The following SMARCA5 variants were observed in gnomAD, a reference collection of about 807,000 sequenced individuals.
SMARCA5 encodes the protein SWI/SNF-related matrix-associated actin-dependent regulator of chromatin subfamily A member 5.
A neutral mutation model predicts 140.4 loss-of-function variants in SMARCA5; 18 were observed. The observed-to-expected ratio is 0.13, with a 90% CI of 0.09 to 0.19. The LOEUF (loss-of-function observed/expected upper bound fraction) is 0.19, where lower values mean the gene tolerates loss of function less well. Among genes scored for constraint, SMARCA5 ranks in the 10% least tolerant of loss-of-function variants. The pLI is 1.00. For synonymous variants in SMARCA5, 449 were observed against 419.6 expected (o/e 1.07, Z -0.86); for missense variants, 606 against 1,276.8 (o/e 0.47, Z 8.01).
chr4:143,534,178 T>C (rs1383878338), intron 9 of SMARCA5, among the ~76,000 whole-genome samples: 1 of 152,192 alleles, frequency 6.6e-6, no homozygotes, highest in African/African-American at 2.4e-5. Flanking sequence ...GACATAATGC[T>C]ATTGCACACT....
chr4:143,517,339 T>C lies in SMARCA5; in HGVS notation c.178-16T>C. On this transcript the variant is annotated splice_polypyrimidine_tract_variant and intron_variant, in intron 1 of 23. Coordinates refer to ENST00000283131, the MANE Select transcript of SMARCA5 (RefSeq NM_003601.4). ...TTTTCGAAGACCAATTCTATTTAAT[T>C]ATTTCTTTCTACCAGGAAATATTTG... The C allele has an allele frequency of 1.3e-6, 2 of 1,588,112 alleles. No homozygotes were observed. Among genetic ancestry groups the C allele is most frequent in the South Asian group, 2.3e-5 (2 of 88,252 alleles).
At chr4:143,531,436 C>G (rs1737180302) in intron 9 of SMARCA5, among the ~76,000 whole-genome samples, 1 of 152,106 alleles carries the variant, frequency 6.6e-6, no homozygotes, top group South Asian at 2.1e-4. Context: ...TATATAAAGC[C>G]CTTAATGACC....
intron 2 of SMARCA5, among the ~76,000 whole-genome samples, chr4:143,518,298 ATAG>A (rs1340720093): frequency 6.6e-6 from 1 of 152,182 alleles, no homozygotes; most frequent in East Asian, 1.9e-4. Flanking sequence ...AGTTTTAGTA[ATAG>A]TAGTAGTGGC....
intron 8 of SMARCA5, 59 bp from the exon 9 acceptor site, chr4:143,530,399 T>C (rs1430488100): frequency 2.8e-6 from 3 of 1,073,928 alleles, no homozygotes; most frequent in Non-Finnish European, 4.2e-6. Flanking sequence ...TATCTGGTAT[T>C]ATAGGGTATT....
intron 23 of SMARCA5, among the ~76,000 whole-genome samples, chr4:143,550,703 C>T (rs1737625560): frequency 6.6e-6 from 1 of 152,034 alleles, no homozygotes; most frequent in Admixed American, 6.6e-5. Context: ...CTTTCTGTGT[C>T]TGGCTTATTT....
intron 11 of SMARCA5, 127 bp from the exon 12 acceptor site, chr4:143,538,463 T>C: frequency 4.2e-6 from 3 of 718,662 alleles, no homozygotes; most frequent in South Asian, 3.6e-5. Flanking sequence ...TGTGTAGATT[T>C]TTTTCCCCCT....
At position 143,513,703 on chromosome 4, in the gene SMARCA5, C is replaced by A. The variant is rs1736747198; in HGVS notation, c.-222C>A. On this transcript the variant is annotated 5_prime_UTR_variant, in exon 1 of 24. Coordinates refer to ENST00000283131, the MANE Select transcript of SMARCA5 (RefSeq NM_003601.4). The stretch of plus-strand genomic sequence containing the variant: ...CGTGATTCCCGCCGTGAGGTAAGCG[C>A]CGGTGGAACCTAGAGCCCCGCGGAA... The A allele has an allele frequency of 3.5e-6, 2 of 569,360 alleles. No homozygotes were observed. Among genetic ancestry groups the A allele is most frequent in the East Asian group, 6.5e-5 (2 of 30,700 alleles). The allele number at this position is 569,360 out of a possible 1,614,324, so 35.3% of individuals were successfully genotyped here. A position where few individuals can be genotyped will look rare whatever the true frequency, so the allele number is the denominator to read the frequency against.
At chr4:143,528,224 TGC>T (rs1737113814) in intron 7 of SMARCA5, among the ~76,000 whole-genome samples, 1 of 152,190 alleles carries the variant, frequency 6.6e-6, no homozygotes, top group Non-Finnish European at 1.5e-5. Context: ...TTTGTCCTAA[TGC>T]TCTCCCTCTG....
intron 3 of SMARCA5, among the ~76,000 whole-genome samples, chr4:143,522,179 GACTTACA>G (rs1736976598): frequency 6.6e-6 from 1 of 152,140 alleles, no homozygotes; most frequent in African/African-American, 2.4e-5. Flanking sequence ...ATATTGTGAT[GACTTACA>G]TCACGGCAGC....
At chr4:143,551,926 ATTT>A (rs201164810) in intron 23 of SMARCA5, among the ~76,000 whole-genome samples, 3 of 150,424 alleles carry the variant, frequency 2.0e-5, no homozygotes, top group Non-Finnish European at 4.4e-5. Flanking sequence ...AAATTTTAGT[ATTT>A]TTTTTTCTAT....
At chr4:143,543,431 A>G (rs1323533149) in intron 14 of SMARCA5, 78 bp from the exon 15 acceptor site, 4 of 1,139,244 alleles carry the variant, frequency 3.5e-6, no homozygotes, top group Non-Finnish European at 5.1e-6. Context: ...AAAGCATTAA[A>G]CCTTACATTT....
chr4:143,547,615 C>A (rs868104783), intron 21 of SMARCA5, 112 bp downstream of exon 21: 8 of 663,014 alleles, frequency 1.2e-5, no homozygotes, highest in Middle Eastern at 3.9e-4. Context: ...TTTAAAATTT[C>A]TTCAGAGTAG....
Position 143,533,307 on chromosome 4 carries a change from G to T in SMARCA5, c.1159-1548G>T, listed in dbSNP as rs553631526. Among the ~76,000 whole-genome samples, 249 of 152,088 alleles carry T rather than the reference G, an allele frequency of 1.6e-3. 1 individual carries two copies. Among genetic ancestry groups the T allele is most frequent in the African/African-American group, 5.6e-3 (234 of 41,494 alleles). ...GAAAAGAGGGGATAGTGATTGGAAG[G>T]GACACAAAAATGATTTCTAGAGTGT... is the stretch of plus-strand genomic sequence containing the variant. On this transcript the variant is annotated intron_variant, in intron 9 of 23. Transcript: ENST00000283131.
At chr4:143,537,442 G>A (rs998253597) in intron 11 of SMARCA5, among the ~76,000 whole-genome samples, 1 of 152,152 alleles carries the variant, frequency 6.6e-6, no homozygotes, top group African/African-American at 2.4e-5. Context: ...ACTATCAAAA[G>A]CATGTTGTAA....
Position 143,546,840 on chromosome 4 carries a change from G to A in SMARCA5, c.2585G>A (p.Arg862His), listed in dbSNP as rs371185183. ...QFIKANEKWG[R>H]DDIENIAREV... Reference sequence around the variant, plus strand: ...ATCAAAGCTAATGAGAAGTGGGGTCGTGATGATATTGAAAATATAGCAAGA... The same window carrying A: ...ATCAAAGCTAATGAGAAGTGGGGTCATGATGATATTGAAAATATAGCAAGA... Residue 862 changes from arginine to histidine, a missense_variant, in exon 20 of 24, where the codon CGT becomes CAT. Physicochemically the swap from Arg to His is conservative, Grantham distance 29 (BLOSUM62 0). Transcript: ENST00000283131. 1 of 1,611,708 alleles carries A rather than the reference G, an allele frequency of 6.2e-7. No individual in the cohort carries two copies. Among genetic ancestry groups the A allele is most frequent in the Non-Finnish European group, 8.5e-7 (1 of 1,178,266 alleles).
chr4:143,548,182 GAGTA>G (rs1737569163), intron 22 of SMARCA5, 42 bp downstream of exon 22: 1 of 1,159,378 alleles, frequency 8.6e-7, no homozygotes, highest in Non-Finnish European at 1.2e-6. Context: ...GCAGAGTTCA[GAGTA>G]AGTGTCATCT....
Position 143,514,008 on chromosome 4 carries a change from G to T in SMARCA5, c.84G>T (p.Gly28=). The T allele has an allele frequency of 1.3e-6, 2 of 1,552,892 alleles. No individual in the cohort carries two copies. The highest frequency in any genetic ancestry group is 1.7e-6 in the Non-Finnish European group (2 of 1,156,352). The change falls in exon 1 of 24, where the codon GGG becomes GGT. Residue 28 remains glycine (G), a synonymous_variant. Coordinates refer to ENST00000283131, the MANE Select transcript of SMARCA5 (RefSeq NM_003601.4). Reference sequence around the variant, plus strand: ...CCGCAGCCTCGATCGCCAGCGGCGGGAGCAACAGCAGCAACAAAGGCGGCC... The same window carrying T: ...CCGCAGCCTCGATCGCCAGCGGCGGTAGCAACAGCAGCAACAAAGGCGGCC... The part of the protein sequence containing the change: ...SKPAASIASG[G]SNSSNKGGPE...
Position 143,513,775 on chromosome 4 carries a change from C to G in SMARCA5, c.-150C>G. 2 of 861,258 alleles carry G rather than the reference C, an allele frequency of 2.3e-6. No homozygotes were observed. Among genetic ancestry groups the G allele is most frequent in the Non-Finnish European group, 3.5e-6 (2 of 569,666 alleles). The allele number at this position is 861,258 out of a possible 1,614,324, so 53.4% of individuals were successfully genotyped here. On this transcript the variant is annotated 5_prime_UTR_variant, in exon 1 of 24. Coordinates refer to ENST00000283131, the MANE Select transcript of SMARCA5 (RefSeq NM_003601.4). Reference sequence around the variant, plus strand: ...GCAGCTCCTGGGCCCGGCTCAGGCCCGTCGCGGAGGCGCGGCGCAGGGGAG... The same window carrying G: ...GCAGCTCCTGGGCCCGGCTCAGGCCGGTCGCGGAGGCGCGGCGCAGGGGAG...
intron 1 of SMARCA5, 84 bp downstream of exon 1, chr4:143,514,185 G>C (rs766655213): frequency 1.5e-6 from 2 of 1,302,638 alleles, no homozygotes; most frequent in Non-Finnish European, 2.0e-6. Flanking sequence ...ATCGGACGCA[G>C]AGCCGGGTTT....
Sources: allele counts gnomAD v4.1 joint callset (sites outside exome capture counted in the v4.1 genomes callset), GRCh38; gene constraint gnomAD v4.1.1; transcripts MANE v1.5; gene names NCBI Gene and HGNC (gene_info 2026-07-23, HGNC 2026-07-21).